The following AGMO variants were observed in gnomAD, a reference collection of about 807,000 sequenced individuals.
AGMO encodes glyceryl-ether monooxygenase.
Under a neutral mutation model 60.2 loss-of-function variants are expected in AGMO, and 75 were observed. That is an observed-to-expected ratio of 1.25 (90% CI 1.03 to 1.51). The LOEUF (loss-of-function observed/expected upper bound fraction) is 1.51, where lower values mean the gene tolerates loss of function less well. AGMO is among the 40% of genes most tolerant of loss of function. The pLI, the probability that AGMO is intolerant of heterozygous loss-of-function variation, is 0.00. For synonymous variants in AGMO, 261 were observed against 177.1 expected, an observed-to-expected ratio of 1.47 and a Z score of -3.76; for missense variants, 763 against 525.5, an observed-to-expected ratio of 1.45 and a Z score of -4.42.
intron 12 of AGMO, among the ~76,000 whole-genome samples, chr7:15,344,330 T>C (rs540950237): frequency 6.6e-6 from 1 of 152,224 alleles, no homozygotes; most frequent in Admixed American, 6.5e-5. Flanking sequence ...ACGCAGCTTA[T>C]TTTCCAACAG....
chr7:15,133,312 A>C, the AGMO span, among the ~76,000 whole-genome samples: 1 of 152,182 alleles, frequency 6.6e-6, no homozygotes, highest in Non-Finnish European at 1.5e-5. Flanking sequence ...ATATCCAGCT[A>C]CTCAGGTAAA....
At chr7:15,238,958 A>T (rs976250994) in intron 12 of AGMO, among the ~76,000 whole-genome samples, 1 of 152,176 alleles carries the variant, frequency 6.6e-6, no homozygotes, top group Non-Finnish European at 1.5e-5. Context: ...TTTATTGCAC[A>T]TAATGACTTT....
At chr7:15,421,041 A>G (rs1266638472) in intron 4 of AGMO, among the ~76,000 whole-genome samples, 3 of 152,174 alleles carry the variant, frequency 2.0e-5, no homozygotes, top group African/African-American at 7.2e-5. Flanking sequence ...TCTCTTACTA[A>G]GTGAACGTGG....
At chr7:15,369,488 G>A (rs1783116373) in intron 10 of AGMO, among the ~76,000 whole-genome samples, 1 of 152,002 alleles carries the variant, frequency 6.6e-6, no homozygotes, top group Non-Finnish European at 1.5e-5. Flanking sequence ...CCCCACTCAA[G>A]TCTGTTTCAC....
intron 3 of AGMO, among the ~76,000 whole-genome samples, chr7:15,512,888 A>G (rs545713648): frequency 6.6e-6 from 1 of 151,890 alleles, no homozygotes; most frequent in African/African-American, 2.4e-5. Flanking sequence ...TCAATCTACT[A>G]TTGAGTAATG....
chr7:15,345,163 G>C (rs888995250), intron 12 of AGMO, among the ~76,000 whole-genome samples: 22 of 152,168 alleles, frequency 1.4e-4, no homozygotes, highest in African/African-American at 4.6e-4. Context: ...AATTGCATCA[G>C]TAGTATGGCC....
intron 3 of AGMO, among the ~76,000 whole-genome samples, chr7:15,487,986 A>G (rs956754945): frequency 2.6e-5 from 4 of 152,156 alleles, no homozygotes; most frequent in African/African-American, 4.8e-5. Context: ...AGTCTTCAGC[A>G]ATTTCTCTTT....
the AGMO span, among the ~76,000 whole-genome samples, chr7:15,121,535 C>G: frequency 1.3e-5 from 2 of 152,174 alleles, no homozygotes; most frequent in African/African-American, 4.8e-5. Flanking sequence ...GAGATGGTAT[C>G]TCACTATGGT....
chr7:15,421,425 A>G (rs1460160426), intron 4 of AGMO, among the ~76,000 whole-genome samples: 1 of 152,174 alleles, frequency 6.6e-6, no homozygotes, highest in Non-Finnish European at 1.5e-5. Flanking sequence ...CATCTTTTTA[A>G]GCATGTAAGA....
chr7:15,317,723 T>G (rs1419820230), intron 12 of AGMO, among the ~76,000 whole-genome samples: 1 of 151,892 alleles, frequency 6.6e-6, no homozygotes, highest in Non-Finnish European at 1.5e-5. Flanking sequence ...AATTCAAGTG[T>G]CTGTTATAAG....
At chr7:15,148,980 CTGT>C in the AGMO span, among the ~76,000 whole-genome samples, 4 of 152,164 alleles carry the variant, frequency 2.6e-5, no homozygotes, top group East Asian at 7.7e-4. Context: ...TCGCTAACAC[CTGT>C]TATTTTCTGA....
chr7:15,279,196 G>T (rs934266398), intron 12 of AGMO, among the ~76,000 whole-genome samples: 1 of 152,132 alleles, frequency 6.6e-6, no homozygotes, highest in African/African-American at 2.4e-5. Context: ...GTCCATGGCA[G>T]AAGTGTAGAA....
At position 15,384,304 on chromosome 7, in the gene AGMO, G is replaced by C. The variant is rs10262768; in HGVS notation, c.1074+1142C>G. On this transcript the variant is annotated intron_variant, in intron 10 of 12. Coordinates refer to ENST00000342526, the MANE Select transcript of AGMO (RefSeq NM_001004320.2). Reference sequence around the variant, plus strand: ...GTAAGCCATTGAGTGTTGCATGCTAGTTATATTTTTATATTTTTAAAGTTT... The same window carrying C: ...GTAAGCCATTGAGTGTTGCATGCTACTTATATTTTTATATTTTTAAAGTTT... Among the ~76,000 whole-genome samples, 26 of 151,984 alleles carry C rather than the reference G, an allele frequency of 1.7e-4. No individual in the cohort carries two copies. In the South Asian group the frequency reaches 3.1e-3, roughly 18 times the overall value.
At chr7:15,421,504 C>T (rs184133040) in intron 4 of AGMO, among the ~76,000 whole-genome samples, 10 of 152,234 alleles carry the variant, frequency 6.6e-5, no homozygotes, top group African/African-American at 2.2e-4. Context: ...CATATTTAAT[C>T]ACAGCAGTAG....
intron 2 of AGMO, among the ~76,000 whole-genome samples, chr7:15,552,960 G>A (rs1160323545): frequency 6.6e-6 from 1 of 151,932 alleles, no homozygotes; most frequent in African/African-American, 2.4e-5. Flanking sequence ...AGAAAATGTG[G>A]CACATATACA....
intron 12 of AGMO, among the ~76,000 whole-genome samples, chr7:15,357,807 G>T (rs75797500): frequency 0.014 from 2,102 of 152,296 alleles, 56 homozygotes; most frequent in African/African-American, 0.047. Flanking sequence ...AGGCCCAGGT[G>T]AACGCAGCAG....
rs1554401265 is a variant in AGMO at position 15,248,214 on chromosome 7, A to ATC, written c.1264-46856_1264-46855insGA. On this transcript the variant is annotated intron_variant, in intron 12 of 12. Transcript: ENST00000342526. ...TATATATATATATATATATATATAT[A>ATC]TATATATATATCTTCATCTTCAATT... Among the ~76,000 whole-genome samples the ATC allele has an allele frequency of 6.0e-4, 43 of 71,162 alleles. 1 individual carries two copies. Among genetic ancestry groups the ATC allele is most frequent in the African/African-American group, 2.1e-3 (42 of 20,194 alleles). 46.7% of individuals were successfully genotyped at this position (71,162 alleles called of 152,430 possible). A position where few individuals can be genotyped will look rare whatever the true frequency, so the allele number is the denominator to read the frequency against.
At chr7:15,511,843 C>T (rs1583630369) in intron 3 of AGMO, among the ~76,000 whole-genome samples, 1 of 152,150 alleles carries the variant, frequency 6.6e-6, no homozygotes, top group East Asian at 1.9e-4. Context: ...CAGACATCCA[C>T]ATGTATAGAA....
intron 12 of AGMO, among the ~76,000 whole-genome samples, chr7:15,313,950 A>C (rs891301105): frequency 1.3e-5 from 2 of 151,846 alleles, no homozygotes; most frequent in African/African-American, 4.8e-5. Context: ...GAAAATGCCT[A>C]CTTGATGGAT....
Sources: gnomAD v4.1 joint callset for allele counts (sites outside exome capture counted in the v4.1 genomes callset) on GRCh38, gnomAD v4.1.1 for gene constraint, MANE v1.5 for transcripts, NCBI Gene and HGNC (gene_info 2026-07-23, HGNC 2026-07-21) for gene names.